Variants in TRAF3IP2 observed in about 807,000 individuals in gnomAD.
TRAF3IP2 encodes E3 ubiquitin ligase TRAF3IP2.
Under a neutral mutation model 57.9 loss-of-function variants are expected in TRAF3IP2, and 35 were observed. The observed-to-expected ratio is 0.60, with a 90% confidence interval of 0.46 to 0.80. TRAF3IP2 has a LOEUF of 0.80. TRAF3IP2 is among the 30% of genes least tolerant of loss of function. The pLI is 0.00. For synonymous variants in TRAF3IP2, 251 were observed against 268.9 expected, an observed-to-expected ratio of 0.93 and a Z score of 0.65; for missense variants, 556 against 706.4, an observed-to-expected ratio of 0.79 and a Z score of 2.41.
At chr6:111,598,508 G>A (rs1562437910) in intron 1 of TRAF3IP2, among the ~76,000 whole-genome samples, 1 of 152,172 alleles carries the variant, frequency 6.6e-6, no homozygotes, top group South Asian at 2.1e-4. Flanking sequence ...TTAAGAATGA[G>A]GAAGGGCTGT....
intron 1 of TRAF3IP2, chr6:111,601,250 A>G (rs1205039300): frequency 1.3e-6 from 1 of 756,538 alleles, no homozygotes; most frequent in Non-Finnish European, 2.5e-6. Context: ...CAGCATCACC[A>G]GGCTGGAAAT....
At position 111,567,055 on chromosome 6, in the gene TRAF3IP2, C is replaced by T. The variant is rs568523493; in HGVS notation, c.1360-495G>A. On this transcript the variant is annotated intron_variant, in intron 6 of 8. Coordinates refer to ENST00000368761, the MANE Select transcript of TRAF3IP2 (RefSeq NM_147686.4). ...CAAAAGGAAAAGTGCAACACCCCAG[C>T]CTGCTGAGACTCCCGTCCCCCACTG... The T allele has an allele frequency of 5.6e-5, 22 of 393,200 alleles. No individual in the cohort carries two copies. In the East Asian group the frequency reaches 3.0e-3, roughly 54 times the overall value. The allele number at this position is 393,200 out of a possible 1,614,324, so 24.4% of individuals were successfully genotyped here.
In TRAF3IP2 at chr6:111,567,637, C is replaced by T. The variant is rs1352832056; in HGVS notation, c.1346G>A (p.Arg449His). 11 of 1,609,670 alleles carry T rather than the reference C, an allele frequency of 6.8e-6. No homozygotes were observed. Among genetic ancestry groups the T allele is most frequent in the Non-Finnish European group, 8.5e-6 (10 of 1,178,430 alleles). The change falls in exon 6 of 9, where the codon CGC becomes CAC. Residue 449 changes from arginine to histidine, a missense_variant. By Grantham distance (29) the Arg-to-His change is conservative. This residue lies in a region of TRAF3IP2 where 128 missense variants were observed against 207.7 expected (regional missense o/e 0.62). Transcript: ENST00000368761. ...GAATGTACTTACATCCCTAAGGTAG[C>T]GCTCCATCCATTTAATGATATCAAT... ...RGIDIIKWMERYLRDKTVMII... is the reference protein window; with the variant it reads ...RGIDIIKWMEHYLRDKTVMII...
At chr6:111,605,131 T>C (rs9487679) in intron 1 of TRAF3IP2, among the ~76,000 whole-genome samples, 31,146 of 151,932 alleles carry the variant, frequency 0.2, 3,565 homozygotes, top group African/African-American at 0.31. Context: ...ATCTTGAACT[T>C]GAAAGTCACA....
At position 111,559,416 on chromosome 6, in the gene TRAF3IP2, C is replaced by T. The variant is rs1441092137; in HGVS notation, c.1687G>A (p.Val563Ile). 1.2e-6 allele frequency: 2 copies of T among 1,613,556 alleles called. No homozygotes were observed. The highest frequency in any genetic ancestry group is 8.5e-7 in the Non-Finnish European group (1 of 1,179,890). Reference sequence around the variant, plus strand: ...GGGGATGAACGGTGTCACAAGGGAACCACCTGAAGGGTGGGCAGAGGCCCC... The same window carrying T: ...GGGGATGAACGGTGTCACAAGGGAATCACCTGAAGGGTGGGCAGAGGCCCC... Reference protein sequence around the residue: ...PRGPLPTLQVVPL With the variant: ...PRGPLPTLQVIPL The change falls in exon 9 of 9, where the codon GTT becomes ATT. Residue 563 changes from valine to isoleucine, a missense_variant. Physicochemically the swap from Val to Ile is conservative, Grantham distance 29 (BLOSUM62 3). Coordinates refer to ENST00000368761, the MANE Select transcript of TRAF3IP2 (RefSeq NM_147686.4).
intron 4 of TRAF3IP2, chr6:111,573,704 A>G (rs1795898410): frequency 6.6e-6 from 1 of 152,258 alleles, no homozygotes; most frequent in Non-Finnish European, 1.5e-5. Context: ...AGCTTTACCC[A>G]GTCAGGATGA....
intron 8 of TRAF3IP2, among the ~76,000 whole-genome samples, chr6:111,561,434 G>A (rs1039499644): frequency 1.3e-5 from 2 of 152,116 alleles, no homozygotes; most frequent in Admixed American, 6.5e-5. Flanking sequence ...GCAAGACTCC[G>A]TCTCAAAACA....
chr6:111,582,847 A>C (rs964290792), intron 2 of TRAF3IP2, among the ~76,000 whole-genome samples: 20 of 152,022 alleles, frequency 1.3e-4, no homozygotes, highest in African/African-American at 4.8e-4. Flanking sequence ...TGGCCCACTA[A>C]GCTCTGGCTT....
rs1390886587 is a variant in TRAF3IP2 at position 111,575,700 on chromosome 6, G to A, written c.1144C>T (p.Pro382Ser). The change falls in exon 4 of 9, where the codon CCT becomes TCT. Residue 382 changes from proline to serine, a missense_variant. Transcript: ENST00000368761. ...GTTCCTCTGGCTGGAGGGTTGCTAG[G>A]GGGTCTAGGCACAGCAGCTGGGGAC... Reference protein sequence around the residue: ...PPSPAAVPRPPSNPPARGTLK... With the variant: ...PPSPAAVPRPSSNPPARGTLK... 1.9e-6 allele frequency: 3 copies of A among 1,613,530 alleles called. No individual in the cohort carries two copies. Among genetic ancestry groups the A allele is most frequent in the Non-Finnish European group, 2.5e-6 (3 of 1,179,860 alleles).
intron 2 of TRAF3IP2, among the ~76,000 whole-genome samples, chr6:111,590,742 A>C (rs952317104): frequency 5.3e-5 from 8 of 152,152 alleles, no homozygotes; most frequent in African/African-American, 1.9e-4. Context: ...TTTAAGCAGC[A>C]AAATCACAGA....
chr6:111,603,084 G>GCACACACA (rs3066041), intron 1 of TRAF3IP2, among the ~76,000 whole-genome samples: 2 of 149,858 alleles, frequency 1.3e-5, no homozygotes, highest in East Asian at 2.0e-4. Flanking sequence ...CACAAGGTGT[G>GCACACACA]CACACACACA....
chr6:111,562,152 T>C (rs1257503057), intron 8 of TRAF3IP2, among the ~76,000 whole-genome samples: 1 of 152,148 alleles, frequency 6.6e-6, no homozygotes, highest in Non-Finnish European at 1.5e-5. Context: ...CCTCAGGTGG[T>C]TTTGCCCCCA....
At chr6:111,570,322 T>A (rs976532113) in intron 5 of TRAF3IP2, among the ~76,000 whole-genome samples, 6 of 152,240 alleles carry the variant, frequency 3.9e-5, no homozygotes, top group Non-Finnish European at 7.3e-5. Context: ...CATCTTCCAG[T>A]AAGAATTCCT....
At chr6:111,564,278 A>G (rs1795550532) in intron 7 of TRAF3IP2, among the ~76,000 whole-genome samples, 1 of 152,148 alleles carries the variant, frequency 6.6e-6, no homozygotes, top group Admixed American at 6.5e-5. Context: ...TTTTAAAATG[A>G]CCCAAGTACT....
chr6:111,564,804 G>C (rs1461428203), intron 7 of TRAF3IP2, among the ~76,000 whole-genome samples: 1 of 152,220 alleles, frequency 6.6e-6, no homozygotes, highest in Non-Finnish European at 1.5e-5. Context: ...CACACCCACA[G>C]AGCTAGACAG....
At chr6:111,560,892 A>C (rs1399755753) in intron 8 of TRAF3IP2, among the ~76,000 whole-genome samples, 10 of 152,164 alleles carry the variant, frequency 6.6e-5, no homozygotes, top group African/African-American at 2.4e-4. Flanking sequence ...GAAGGTAAAG[A>C]GGTGTCAGGG....
intron 6 of TRAF3IP2, chr6:111,567,236 C>T (rs1273109418): frequency 3.9e-6 from 4 of 1,014,634 alleles, no homozygotes; most frequent in African/African-American, 1.7e-5. Context: ...GTGTGCTGTG[C>T]AGCCTGCGAG....
At position 111,566,293 on chromosome 6, in the gene TRAF3IP2, C is replaced by T. The variant is rs982148733; in HGVS notation, c.1476+151G>A. On this transcript the variant is annotated intron_variant, in intron 7 of 8. Transcript: ENST00000368761. ...GTCCCTAAGGTAGATGGAGCCAGAA[C>T]CAACAGCTCCTCTCCTGACATGGCA... 7 of 659,248 alleles carry T rather than the reference C, an allele frequency of 1.1e-5. No individual in the cohort carries two copies. In the African/African-American group the frequency reaches 1.3e-4, roughly 12 times the overall value. 40.8% of individuals were successfully genotyped at this position (659,248 alleles called of 1,614,324 possible). A position where few individuals can be genotyped will look rare whatever the true frequency, so the allele number is the denominator to read the frequency against.
intron 1 of TRAF3IP2, among the ~76,000 whole-genome samples, chr6:111,594,093 T>G (rs538206529): frequency 4.4e-5 from 6 of 135,848 alleles, no homozygotes; most frequent in African/African-American, 1.3e-4. Context: ...ATTGCGCCAC[T>G]GCATTCCAGC....
Sources: allele counts gnomAD v4.1 joint callset (sites outside exome capture counted in the v4.1 genomes callset), GRCh38; gene constraint gnomAD v4.1.1; regional missense constraint gnomAD v4.1.1; transcripts MANE v1.5; gene names NCBI Gene and HGNC (gene_info 2026-07-23, HGNC 2026-07-21).